Variants in DPY19L4 observed in about 807,000 individuals in gnomAD.
DPY19L4 encodes the protein dpy-19 like 4.
DPY19L4 carries 97 observed loss-of-function variants against 102.8 expected under a neutral mutation model. That is an observed-to-expected ratio of 0.94 (90% CI 0.80 to 1.12). DPY19L4 has a LOEUF of 1.12. DPY19L4 is among the 50% of genes most tolerant of loss of function. DPY19L4 has a pLI of 0.00. For synonymous variants in DPY19L4, 252 were observed against 283.1 expected, an observed-to-expected ratio of 0.89 and a Z score of 1.10; for missense variants, 815 against 850.4, an observed-to-expected ratio of 0.96 and a Z score of 0.52.
intron 11 of DPY19L4, 106 bp downstream of exon 11, chr8:94,766,791 A>T: frequency 9.7e-7 from 1 of 1,031,072 alleles, no homozygotes; most frequent in Non-Finnish European, 1.4e-6. Context: ...TAATCCCAGC[A>T]CTTTAGGAGG....
At chr8:94,747,404 A>G (rs1811723678) in intron 6 of DPY19L4, among the ~76,000 whole-genome samples, 1 of 151,400 alleles carries the variant, frequency 6.6e-6, no homozygotes, top group Non-Finnish European at 1.5e-5. Flanking sequence ...AGACTATGTC[A>G]TTTTTTCTGA....
rs149228791 is a variant in DPY19L4 at position 94,739,496 on chromosome 8, C to G, written c.427C>G (p.Leu143Val). The part of the protein sequence containing the change: ...AVQQMSLYPE[L>V]IASILYQATG... ...GCAGCAAATGTCTCTGTATCCGGAA[C>G]TTATTGCTAGCATTTTATATCAAGC... The change falls in exon 5 of 19, where the codon CTT becomes GTT. Residue 143 changes from leucine to valine, a missense_variant. Coordinates refer to ENST00000414645, the MANE Select transcript of DPY19L4 (RefSeq NM_181787.3). The G allele has an allele frequency of 6.2e-7, 1 of 1,607,884 alleles. No homozygotes were observed. The highest frequency in any genetic ancestry group is 1.1e-5 in the South Asian group (1 of 89,174).
rs534436245 is a variant in DPY19L4 at position 94,784,363 on chromosome 8, A to T, written c.1848+561A>T. 3.4e-4 allele frequency among the ~76,000 whole-genome samples: 52 copies of T among 152,348 alleles called. 2 individuals are homozygous for T. In the South Asian group the frequency reaches 0.01, roughly 30 times the overall value. On this transcript the variant is annotated intron_variant, in intron 17 of 18. Coordinates refer to ENST00000414645, the MANE Select transcript of DPY19L4 (RefSeq NM_181787.3). ...GTAGCTGGAATTACAGGCACCTGCC[A>T]CCACAGCCAGCTAACGTTCTTTTTA...
intron 1 of DPY19L4, among the ~76,000 whole-genome samples, chr8:94,723,333 C>T (rs111595114): frequency 3.3e-5 from 5 of 152,068 alleles, no homozygotes; most frequent in African/African-American, 9.7e-5. Context: ...ATTAGCTGGG[C>T]GTAGTGGCGG....
intron 2 of DPY19L4, among the ~76,000 whole-genome samples, chr8:94,727,422 C>T (rs1016938391): frequency 2.0e-5 from 3 of 152,142 alleles, no homozygotes; most frequent in East Asian, 1.9e-4. Flanking sequence ...TTGGTAGAGA[C>T]GGGGTTTCAC....
chr8:94,742,671 G>T (rs1811499445), intron 6 of DPY19L4, among the ~76,000 whole-genome samples: 1 of 149,814 alleles, frequency 6.7e-6, no homozygotes, highest in Admixed American at 6.7e-5. Flanking sequence ...CAATTTTCTT[G>T]CCTCAGCCTC....
At chr8:94,756,660 A>G (rs1812175327) in intron 7 of DPY19L4, among the ~76,000 whole-genome samples, 1 of 152,230 alleles carries the variant, frequency 6.6e-6, no homozygotes, top group African/African-American at 2.4e-5. Flanking sequence ...AGATTCTTAC[A>G]TTGTTATTGT....
chr8:94,731,446 C>T (rs540286945), intron 2 of DPY19L4, among the ~76,000 whole-genome samples: 4 of 152,288 alleles, frequency 2.6e-5, no homozygotes, highest in South Asian at 2.1e-4. Flanking sequence ...GATGGAGTTT[C>T]GCTCTTGTGG....
intron 1 of DPY19L4, among the ~76,000 whole-genome samples, chr8:94,726,042 G>T (rs1415262189): frequency 1.3e-5 from 2 of 152,176 alleles, no homozygotes; most frequent in Non-Finnish European, 2.9e-5. Context: ...GTTTGGAAAA[G>T]AGCTTACTTA....
At position 94,761,808 on chromosome 8, in the gene DPY19L4, A is replaced by G; in HGVS notation, c.844A>G (p.Thr282Ala). ...AGCAATATCTCTATTCCTGCTAGAT[A>G]CCTTTTCAGTGGAGCAAAGTGACAA... ...LQAISLFLLD[T>A]FSVEQSDKVY... Residue 282 changes from threonine to alanine, a missense_variant, in exon 8 of 19, where the codon ACC becomes GCC. Coordinates refer to ENST00000414645, the MANE Select transcript of DPY19L4 (RefSeq NM_181787.3). 6.2e-7 allele frequency: 1 copy of G among 1,609,528 alleles called. No individual in the cohort carries two copies. Among genetic ancestry groups the G allele is most frequent in the Non-Finnish European group, 8.5e-7 (1 of 1,178,352 alleles).
chr8:94,723,642 G>A (rs1181824276), intron 1 of DPY19L4, among the ~76,000 whole-genome samples: 1 of 152,114 alleles, frequency 6.6e-6, no homozygotes, highest in East Asian at 1.9e-4. Context: ...TAGCTTTAGG[G>A]ATAAGGTTGA....
At chr8:94,788,614 C>T (rs1005753636) in intron 18 of DPY19L4, among the ~76,000 whole-genome samples, 2 of 148,324 alleles carry the variant, frequency 1.3e-5, no homozygotes, top group Admixed American at 7.0e-5. Flanking sequence ...CTGTGTTTTC[C>T]ACAAGAAGAC....
intron 13 of DPY19L4, among the ~76,000 whole-genome samples, chr8:94,773,583 A>G (rs956368491): frequency 6.6e-6 from 1 of 151,806 alleles, no homozygotes; most frequent in African/African-American, 2.4e-5. Context: ...GGCATGCGCC[A>G]CCACGCCCGG....
At chr8:94,761,587 A>G (rs1456496700) in intron 7 of DPY19L4, 113 bp from the exon 8 acceptor site, 1 of 961,638 alleles carries the variant, frequency 1.0e-6, no homozygotes, top group South Asian at 4.0e-5. Context: ...TTCAATAATT[A>G]TATAGCTTAA....
intron 14 of DPY19L4, among the ~76,000 whole-genome samples, chr8:94,780,060 A>G (rs189912682): frequency 1.2e-4 from 18 of 152,238 alleles, no homozygotes; most frequent in Admixed American, 5.2e-4. Context: ...ATTTCTGGCA[A>G]ATTTTTCAAG....
chr8:94,765,149 CT>C, intron 8 of DPY19L4, 33 bp from the exon 9 acceptor site: 1 of 1,321,300 alleles, frequency 7.6e-7, no homozygotes, highest in Non-Finnish European at 1.1e-6. Context: ...TAAAATATAA[CT>C]TATTCTCACT....
intron 2 of DPY19L4, among the ~76,000 whole-genome samples, chr8:94,728,807 A>T (rs1280838115): frequency 6.6e-6 from 1 of 152,192 alleles, no homozygotes; most frequent in Non-Finnish European, 1.5e-5. Flanking sequence ...TGGGTTTAGA[A>T]TAGAATTGGA....
rs887630244 is a variant in DPY19L4, at chr8:94,781,020, T to C, written c.1633-64T>C. ...TCTTTTGAAATACTGTGGAACAGTT[T>C]TAAACTTTCTAATTACTGACATACA... is the stretch of plus-strand genomic sequence containing the variant. On this transcript the variant is annotated intron_variant, in intron 15 of 18. Coordinates refer to ENST00000414645, the MANE Select transcript of DPY19L4 (RefSeq NM_181787.3). 7.6e-5 allele frequency: 106 copies of C among 1,393,644 alleles called. 1 individual carries two copies. The highest frequency in any genetic ancestry group is 4.4e-5 in the Admixed American group (2 of 45,548). 86.3% of individuals were successfully genotyped at this position (1,393,644 alleles called of 1,614,324 possible).
At chr8:94,763,766 T>C (rs1812506779) in intron 8 of DPY19L4, among the ~76,000 whole-genome samples, 1 of 152,068 alleles carries the variant, frequency 6.6e-6, no homozygotes, top group African/African-American at 2.4e-5. Flanking sequence ...CCTCAAGTGA[T>C]CCGCTCTCTT....
Sources: allele counts gnomAD v4.1 joint callset (sites outside exome capture counted in the v4.1 genomes callset), GRCh38; gene constraint gnomAD v4.1.1; transcripts MANE v1.5; gene names NCBI Gene and HGNC (gene_info 2026-07-23, HGNC 2026-07-21).